PRKD1: variants seen among roughly 807,000 people sequenced by gnomAD.
PRKD1 encodes the protein protein kinase D1, also known as serine/threonine-protein kinase D1.
A neutral mutation model predicts 95.9 loss-of-function variants in PRKD1; 63 were observed. That is an observed-to-expected ratio of 0.66 (90% CI 0.54 to 0.81). PRKD1 has a LOEUF of 0.81. Ranked by LOEUF, PRKD1 falls within the 30% of genes least tolerant of loss-of-function variation. The pLI is 0.00. For missense variants in PRKD1, 1,048 were observed against 1,165.3 expected, an observed-to-expected ratio of 0.90 and a Z score of 1.47; for synonymous variants, 425 against 423.1, an observed-to-expected ratio of 1.00 and a Z score of -0.05.
chr14:29,789,772 G>A (rs1227771486), intron 1 of PRKD1, among the ~76,000 whole-genome samples: 1 of 152,104 alleles, frequency 6.6e-6, no homozygotes, highest in African/African-American at 2.4e-5. Flanking sequence ...CGGACAGGAA[G>A]TGCAGCCAGT....
intron 1 of PRKD1, among the ~76,000 whole-genome samples, chr14:29,825,217 T>C (rs1891062983): frequency 6.6e-6 from 1 of 152,102 alleles, no homozygotes; most frequent in Non-Finnish European, 1.5e-5. Flanking sequence ...GTACGAAACA[T>C]GAATACTTAC....
intron 13 of PRKD1, among the ~76,000 whole-genome samples, chr14:29,613,319 T>G (rs1264054899): frequency 2.0e-5 from 3 of 152,222 alleles, no homozygotes; most frequent in Non-Finnish European, 4.4e-5. Flanking sequence ...TTGTGCACAC[T>G]TAGCAACATT....
chr14:29,642,834 TTTAAA>T (rs1880874811), intron 4 of PRKD1, among the ~76,000 whole-genome samples: 1 of 152,228 alleles, frequency 6.6e-6, no homozygotes, highest in East Asian at 1.9e-4. Context: ...CTAAATGGTG[TTTAAA>T]TTAATTTTCA....
intron 1 of PRKD1, among the ~76,000 whole-genome samples, chr14:29,902,562 C>A (rs1204729838): frequency 1.3e-5 from 2 of 152,136 alleles, no homozygotes; most frequent in Non-Finnish European, 2.9e-5. Flanking sequence ...ATAAACATTT[C>A]TTTCCTACAT....
intron 1 of PRKD1, among the ~76,000 whole-genome samples, chr14:29,802,833 G>T (rs191788507): frequency 6.6e-6 from 1 of 152,154 alleles, no homozygotes; most frequent in South Asian, 2.1e-4. Context: ...ACATCTTGTT[G>T]CAGAAAGGCA....
At chr14:29,907,131 G>C (rs1894521932) in intron 1 of PRKD1, among the ~76,000 whole-genome samples, 1 of 152,156 alleles carries the variant, frequency 6.6e-6, no homozygotes, top group Admixed American at 6.5e-5. Flanking sequence ...TTCTCAGAAA[G>C]GAAGGCTTTC....
chr14:29,714,948 G>A (rs537599369), intron 2 of PRKD1, among the ~76,000 whole-genome samples: 85 of 152,092 alleles, frequency 5.6e-4, no homozygotes, highest in East Asian at 3.5e-3. Context: ...ATCACACACC[G>A]GGGCCCGTTG....
intron 1 of PRKD1, among the ~76,000 whole-genome samples, chr14:29,808,936 A>C (rs1269191471): frequency 6.6e-6 from 1 of 152,226 alleles, no homozygotes; most frequent in Non-Finnish European, 1.5e-5. Context: ...CAGAGAAATC[A>C]CTATATCAAT....
intron 1 of PRKD1, among the ~76,000 whole-genome samples, chr14:29,729,981 A>AT (rs533564158): frequency 2.7e-3 from 413 of 152,166 alleles, no homozygotes; most frequent in Admixed American, 8.3e-3. Flanking sequence ...ATGGGCAACG[A>AT]TTTTTTTATA....
chr14:29,784,344 C>A (rs1293907080), intron 1 of PRKD1, among the ~76,000 whole-genome samples: 1 of 151,994 alleles, frequency 6.6e-6, no homozygotes, highest in African/African-American at 2.4e-5. Context: ...CAGCTTTGTT[C>A]TTTTTGCTCA....
intron 1 of PRKD1, among the ~76,000 whole-genome samples, chr14:29,915,150 C>A (rs1894849675): frequency 6.6e-6 from 1 of 152,172 alleles, no homozygotes; most frequent in Non-Finnish European, 1.5e-5. Context: ...TAATTTTGAA[C>A]CACAATGATC....
intron 1 of PRKD1, among the ~76,000 whole-genome samples, chr14:29,809,957 C>A (rs1256017832): frequency 6.6e-6 from 1 of 152,112 alleles, no homozygotes; most frequent in East Asian, 1.9e-4. Flanking sequence ...TTTCACTTGA[C>A]CCTTAGAAGT....
At chr14:29,607,100 G>A (rs1878032366) in intron 13 of PRKD1, among the ~76,000 whole-genome samples, 1 of 152,178 alleles carries the variant, frequency 6.6e-6, no homozygotes, top group Admixed American at 6.5e-5. Flanking sequence ...CACATAGTAT[G>A]GGTTAATTAT....
chr14:29,699,010 T>A (rs1457959564), intron 2 of PRKD1, among the ~76,000 whole-genome samples: 1 of 152,186 alleles, frequency 6.6e-6, no homozygotes, highest in Non-Finnish European at 1.5e-5. Context: ...AATATTGCCA[T>A]GTCAATCACT....
chr14:29,674,033 T>C (rs1046219486), intron 2 of PRKD1, among the ~76,000 whole-genome samples: 2 of 152,084 alleles, frequency 1.3e-5, no homozygotes, highest in African/African-American at 4.8e-5. Context: ...ACAAAGTAAC[T>C]AGTATAGTCC....
rs145259512 is a variant in PRKD1 at position 29,882,648 on chromosome 14, G to T, written c.264+44601C>A. Among the ~76,000 whole-genome samples, 142 of 152,194 alleles carry T rather than the reference G, an allele frequency of 9.3e-4. 3 individuals are homozygous for T. Among genetic ancestry groups the T allele is most frequent in the African/African-American group, 3.3e-3 (136 of 41,526 alleles). ...AGTTCTATATCCACTAAACAACTCCGCATTTTCCCTCTCCCCAGCCCCTGC... is the reference window on the plus strand; with the variant it reads ...AGTTCTATATCCACTAAACAACTCCTCATTTTCCCTCTCCCCAGCCCCTGC... On this transcript the variant is annotated intron_variant, in intron 1 of 17. Transcript: ENST00000331968.
rs558252812 is a variant in PRKD1, at chr14:29,792,085, A to G, written c.265-66411T>C. Among the ~76,000 whole-genome samples, 4 of 152,236 alleles carry G rather than the reference A, an allele frequency of 2.6e-5. No homozygotes were observed. In the South Asian group the frequency reaches 6.2e-4, roughly 24 times the overall value. On this transcript the variant is annotated intron_variant, in intron 1 of 17. Coordinates refer to ENST00000331968, the MANE Select transcript of PRKD1 (RefSeq NM_002742.3). ...CTCTATAAAAATGACATATAATCCC[A>G]TGTGATAGATCAACAAAACTGAAGC...
At chr14:29,724,591 A>T (rs1886052666) in intron 2 of PRKD1, among the ~76,000 whole-genome samples, 1 of 152,216 alleles carries the variant, frequency 6.6e-6, no homozygotes, top group African/African-American at 2.4e-5. Flanking sequence ...GACTGAATCA[A>T]AGCAAAGTGA....
At chr14:29,793,266 T>C (rs1017633401) in intron 1 of PRKD1, among the ~76,000 whole-genome samples, 15 of 151,880 alleles carry the variant, frequency 9.9e-5, no homozygotes, top group African/African-American at 3.6e-4. Flanking sequence ...ATAGTAGTCA[T>C]CTTTAAGCTG....
Sources: gnomAD v4.1 joint callset for allele counts (sites outside exome capture counted in the v4.1 genomes callset) on GRCh38, gnomAD v4.1.1 for gene constraint, MANE v1.5 for transcripts, NCBI Gene and HGNC (gene_info 2026-07-23, HGNC 2026-07-21) for gene names.